RAG1: variants seen among roughly 807,000 people sequenced by gnomAD.
The protein encoded by RAG1 is recombination activating 1.
In RAG1, 35 loss-of-function variants were observed where a neutral mutation model predicts 62.7. The observed-to-expected ratio is 0.56, with a 90% CI of 0.43 to 0.74. The LOEUF is 0.74. Ranked by LOEUF, RAG1 falls within the 30% of genes least tolerant of loss-of-function variation. RAG1 has a pLI of 0.00. For missense variants in RAG1, 1,169 were observed against 1,278.6 expected, an observed-to-expected ratio of 0.91 and a Z score of 1.31; for synonymous variants, 461 against 470.3, an observed-to-expected ratio of 0.98 and a Z score of 0.26.
At chr11:36,561,450 T>A (rs1850582324) in intron 3 of RAG1, among the ~76,000 whole-genome samples, 1 of 152,236 alleles carries the variant, frequency 6.6e-6, no homozygotes. Context: ...CAGATTTGTT[T>A]ATTAATTTTT....
rs1850897199 is a variant in RAG1 at position 36,579,169 on chromosome 11, T to A, written c.*2733T>A. ...CACAAGATACAGAAGAAGATAAAGA[T>A]TTTTTTGGTTGAGAGTGTGGGTCTT... On this transcript the variant is annotated 3_prime_UTR_variant, in exon 2 of 2. Transcript: ENST00000299440. 3 of 167,174 alleles carry A rather than the reference T, an allele frequency of 1.8e-5. No homozygotes were observed. 10.4% of individuals were successfully genotyped at this position (167,174 alleles called of 1,614,324 possible).
intron 1 of RAG1, among the ~76,000 whole-genome samples, chr11:36,569,747 C>T (rs1347443984): frequency 6.6e-6 from 1 of 152,076 alleles, no homozygotes; most frequent in African/African-American, 2.4e-5. Context: ...ATAAAAAGTG[C>T]AAAAGGCCCT....
At chr11:36,560,561 A>T (rs12225867) in intron 3 of RAG1, among the ~76,000 whole-genome samples, 1 of 152,002 alleles carries the variant, frequency 6.6e-6, no homozygotes, top group African/African-American at 2.4e-5. Flanking sequence ...TGCTCTCAGC[A>T]TGATGCAGTT....
At chr11:36,539,962 A>G (rs1460663695), downstream of RAG1, among the ~76,000 whole-genome samples, 1 of 152,210 alleles carries the variant, frequency 6.6e-6, no homozygotes, top group Non-Finnish European at 1.5e-5. Flanking sequence ...TGTTCCATCC[A>G]TTAATAGCAA....
At chr11:36,516,444 C>T (rs1385430212) in intron 1 of RAG1, among the ~76,000 whole-genome samples, 1 of 152,240 alleles carries the variant, frequency 6.6e-6, no homozygotes, top group East Asian at 1.9e-4. Context: ...GCCTCAGCAT[C>T]CCGAGTAGCT....
intron 3 of RAG1, among the ~76,000 whole-genome samples, chr11:36,560,809 G>T (rs1274954362): frequency 6.6e-6 from 1 of 152,074 alleles, no homozygotes; most frequent in Non-Finnish European, 1.5e-5. Flanking sequence ...ATCCCTCTTG[G>T]CTCTGAGCTG....
At position 36,578,538 on chromosome 11, in the gene RAG1, C is replaced by T. The variant is rs1455334837; in HGVS notation, c.*2102C>T. On this transcript the variant is annotated 3_prime_UTR_variant, in exon 2 of 2. Coordinates refer to ENST00000299440, the MANE Select transcript of RAG1 (RefSeq NM_000448.3). ...TTTATAGATTTTTTACCCATTTCTACTCTTTTTCTCTATTGGTGGCACTGT... is the reference window on the plus strand; with the variant it reads ...TTTATAGATTTTTTACCCATTTCTATTCTTTTTCTCTATTGGTGGCACTGT... 1.2e-5 allele frequency: 2 copies of T among 167,004 alleles called. No individual in the cohort carries two copies. The highest frequency in any genetic ancestry group is 4.8e-5 in the African/African-American group (2 of 41,560). 10.3% of individuals were successfully genotyped at this position (167,004 alleles called of 1,614,324 possible). A position where few individuals can be genotyped will look rare whatever the true frequency, so the allele number is the denominator to read the frequency against.
intron 3 of RAG1, among the ~76,000 whole-genome samples, chr11:36,557,460 T>A (rs934135810): frequency 6.8e-6 from 1 of 146,728 alleles, no homozygotes; most frequent in East Asian, 2.0e-4. Flanking sequence ...TGCCTCGCCC[T>A]GCTTCGGCTC....
At chr11:36,510,474 T>G (rs1859900964), upstream of RAG1, 1 of 152,360 alleles carries the variant, frequency 6.6e-6, no homozygotes, top group African/African-American at 2.4e-5. Context: ...CCCGAGTGTG[T>G]CAATGGGTGT....
intron 3 of RAG1, among the ~76,000 whole-genome samples, chr11:36,545,491 C>T (rs1374256922): frequency 1.3e-5 from 2 of 152,094 alleles, no homozygotes; most frequent in East Asian, 3.9e-4. Context: ...TCACCAGAAA[C>T]CAATTCTCCT....
intron 2 of RAG1, among the ~76,000 whole-genome samples, chr11:36,524,317 G>C (rs1860125220): frequency 6.8e-6 from 1 of 146,720 alleles, no homozygotes; most frequent in Non-Finnish European, 1.5e-5. Context: ...TTGTGCACAT[G>C]TACCCTAGAA....
intron 1 of RAG1, among the ~76,000 whole-genome samples, chr11:36,568,405 T>A (rs1286427110): frequency 1.3e-5 from 2 of 152,170 alleles, no homozygotes; most frequent in African/African-American, 2.4e-5. Flanking sequence ...TGTGTACAAA[T>A]CAGCAGAAGG....
At chr11:36,531,264 TG>T (rs1056352360) in intron 2 of RAG1, among the ~76,000 whole-genome samples, 26 of 152,134 alleles carry the variant, frequency 1.7e-4, no homozygotes, top group Non-Finnish European at 2.8e-4. Flanking sequence ...TATAGTTGAA[TG>T]TTTTTTAATC....
chr11:36,516,483 G>A (rs1859998549), intron 1 of RAG1, among the ~76,000 whole-genome samples: 1 of 152,172 alleles, frequency 6.6e-6, no homozygotes, highest in African/African-American at 2.4e-5. Context: ...CACCACGCCT[G>A]GAGAATTTTT....
Position 36,577,289 on chromosome 11 carries a change from C to T in RAG1, c.*853C>T, listed in dbSNP as rs1850866753. ...AAATTTAGAGTTTCCAAATTTAGAG[C>T]TTCTGCATACAGTCTTAAAGCCACA... is the stretch of plus-strand genomic sequence containing the variant. On this transcript the variant is annotated 3_prime_UTR_variant, in exon 2 of 2. Coordinates refer to ENST00000299440, the MANE Select transcript of RAG1 (RefSeq NM_000448.3). 6.0e-6 allele frequency: 1 copy of T among 167,028 alleles called. No individual in the cohort carries two copies. Among genetic ancestry groups the T allele is most frequent in the African/African-American group, 2.4e-5 (1 of 41,446 alleles). 10.3% of individuals were successfully genotyped at this position (167,028 alleles called of 1,614,324 possible). A position where few individuals can be genotyped will look rare whatever the true frequency, so the allele number is the denominator to read the frequency against.
At position 36,576,078 on chromosome 11, in the gene RAG1, C is replaced by G; in HGVS notation, c.2774C>G (p.Thr925Arg). 5 of 1,613,996 alleles carry G rather than the reference C, an allele frequency of 3.1e-6. No homozygotes were observed. The highest frequency in any genetic ancestry group is 4.2e-6 in the Non-Finnish European group (5 of 1,180,034). The change falls in exon 2 of 2, where the codon ACG becomes AGG. Residue 925 changes from threonine (T) to arginine (R), a missense_variant. By Grantham distance (71) the Thr-to-Arg change is moderately conservative. Around this residue, in one of 2 missense-constraint regions of RAG1, gnomAD observed 800 missense variants for 943.3 expected, o/e 0.85. Coordinates refer to ENST00000299440, the MANE Select transcript of RAG1 (RefSeq NM_000448.3). ...CAGCGTTTTGCTGAGCTCCTTTCTA[C>G]GAAGTTCAAGTATAGGTATGAGGGA... ...NSQRFAELLS[T>R]KFKYRYEGKI...
rs1850885930 is a variant in RAG1, at chr11:36,578,521, T to G, written c.*2085T>G. ...AAGCATGGTCATGCTGGTTTATAGA[T>G]TTTTTACCCATTTCTACTCTTTTTC... On this transcript the variant is annotated 3_prime_UTR_variant, in exon 2 of 2. Transcript: ENST00000299440. The G allele has an allele frequency of 6.0e-6, 1 of 166,864 alleles. No homozygotes were observed. The highest frequency in any genetic ancestry group is 6.5e-5 in the Admixed American group (1 of 15,288). 10.3% of individuals were successfully genotyped at this position (166,864 alleles called of 1,614,324 possible). A position where few individuals can be genotyped will look rare whatever the true frequency, so the allele number is the denominator to read the frequency against.
rs116960404 is a variant in RAG1 at position 36,542,243 on chromosome 11, A to G, written c.-412+6209A>G. ...CATATAAAAGTCCTTCTTTATATGA[A>G]TTAATTTAGCTGAACAAAGTGAGTC... On this transcript the variant is annotated intron_variant and NMD_transcript_variant, in intron 3 of 9. Coordinates refer to the RAG1 transcript ENST00000534663. Among the ~76,000 whole-genome samples the G allele has an allele frequency of 6.4e-3, 978 of 152,318 alleles. 7 individuals carry two copies. Among genetic ancestry groups the G allele is most frequent in the Middle Eastern group, 0.01 (3 of 294 alleles).
At position 36,533,771 on chromosome 11, in the gene RAG1, C is replaced by A. The variant is rs1860288330; in HGVS notation, n.429-2188C>A. Among the ~76,000 whole-genome samples, 3 of 151,944 alleles carry A rather than the reference C, an allele frequency of 2.0e-5. No homozygotes were observed. The South Asian group carries it at 6.2e-4, about 32-fold the overall frequency. On this transcript the variant is annotated intron_variant and non_coding_transcript_variant, in intron 2 of 2. Transcript: ENST00000529126. ...CTGATGTTTGATTTGCGATAGTAATCATTATTATTGATATTGAGATAAGCA... is the reference window on the plus strand; with the variant it reads ...CTGATGTTTGATTTGCGATAGTAATAATTATTATTGATATTGAGATAAGCA...
Sources: allele counts gnomAD v4.1 joint callset (sites outside exome capture counted in the v4.1 genomes callset), GRCh38; gene constraint gnomAD v4.1.1; regional missense constraint gnomAD v4.1.1; transcripts MANE v1.5; gene names NCBI Gene and HGNC (gene_info 2026-07-23, HGNC 2026-07-21).